The following SETD4 variants were observed in gnomAD, a reference collection of about 807,000 sequenced individuals.
SETD4 encodes the protein SET domain containing 4.
Under a neutral mutation model 58.3 loss-of-function variants are expected in SETD4, and 46 were observed. The ratio of observed to expected loss-of-function variants is 0.79; its 90% CI spans 0.62 to 1.01. SETD4 has a LOEUF of 1.01. Ranked by LOEUF, SETD4 falls within the 50% of genes least tolerant of loss-of-function variation. The pLI is 0.00. For synonymous variants in SETD4, 190 were observed against 202.6 expected, an observed-to-expected ratio of 0.94 and a Z score of 0.53; for missense variants, 490 against 523.3, an observed-to-expected ratio of 0.94 and a Z score of 0.62.
chr21:36,047,765 T>C (rs1345894193), intron 5 of SETD4, among the ~76,000 whole-genome samples: 2 of 133,554 alleles, frequency 1.5e-5, no homozygotes, highest in African/African-American at 5.8e-5. Flanking sequence ...CTGAGGCGAG[T>C]GGATCACAAG....
chr21:36,042,523 G>C (rs2064112294), intron 7 of SETD4: 1 of 152,112 alleles, frequency 6.6e-6, no homozygotes, highest in African/African-American at 2.4e-5. Context: ...TTTTCTAGCA[G>C]CAAGACCCAG....
chr21:36,050,940 A>G (rs1227071248), intron 4 of SETD4: 11 of 1,610,088 alleles, frequency 6.8e-6, no homozygotes, highest in Non-Finnish European at 9.4e-6. Flanking sequence ...GTGTTCATTG[A>G]GTGAACAAGG....
At chr21:36,038,795 A>C (rs1310183365) in intron 9 of SETD4, among the ~76,000 whole-genome samples, 1 of 152,154 alleles carries the variant, frequency 6.6e-6, no homozygotes, top group African/African-American at 2.4e-5. Flanking sequence ...CCAGTGCTCT[A>C]CTACAAAGGT....
intron 2 of SETD4, among the ~76,000 whole-genome samples, chr21:36,058,379 T>TCA (rs1436925092): frequency 6.6e-6 from 1 of 151,766 alleles, no homozygotes; most frequent in Non-Finnish European, 1.5e-5. Flanking sequence ...CATGTACCTG[T>TCA]AGTCCCAGGT....
chr21:36,041,706 C>G (rs977540288), intron 8 of SETD4, 101 bp downstream of exon 8: 20 of 739,464 alleles, frequency 2.7e-5, no homozygotes, highest in Non-Finnish European at 4.0e-5. Context: ...TCAGCTGATA[C>G]AGGGTCAGGA....
chr21:36,052,767 CCTTGGA>C (rs1439821326), intron 4 of SETD4: 1 of 152,020 alleles, frequency 6.6e-6, no homozygotes, highest in Non-Finnish European at 1.5e-5. Context: ...TGAAAAGAAA[CCTTGGA>C]GGCTGTCATT....
At chr21:36,042,052 T>C (rs1329902395) in intron 7 of SETD4, 164 bp from the exon 8 acceptor site, 1 of 504,552 alleles carries the variant, frequency 2.0e-6, no homozygotes, top group Non-Finnish European at 3.5e-6. Flanking sequence ...TCCAATTCAG[T>C]CACATCAGTA....
intron 10 of SETD4, chr21:36,036,455 C>A: frequency 3.4e-6 from 1 of 296,810 alleles, no homozygotes; most frequent in African/African-American, 2.3e-5. Context: ...ATCAATAACC[C>A]TATTCCCCTC....
intron 3 of SETD4, 58 bp from the exon 4 acceptor site, chr21:36,053,678 A>G: frequency 1.3e-6 from 2 of 1,539,808 alleles, no homozygotes; most frequent in Admixed American, 3.4e-5. Context: ...GGTCCCAGAG[A>G]TAACTATTAT....
At chr21:36,042,651 A>T (rs1418565297) in intron 7 of SETD4, 1 of 152,216 alleles carries the variant, frequency 6.6e-6, no homozygotes, top group Non-Finnish European at 1.5e-5. Flanking sequence ...AAAATGCTTC[A>T]AATTATATAT....
chr21:36,039,285 T>C (rs181152577), intron 9 of SETD4, among the ~76,000 whole-genome samples: 9 of 152,214 alleles, frequency 5.9e-5, no homozygotes, highest in Non-Finnish European at 8.8e-5. Context: ...TCACCCTGAG[T>C]GACAGAGCTA....
chr21:36,041,775 A>T, intron 8 of SETD4, 32 bp downstream of exon 8: 2 of 1,405,876 alleles, frequency 1.4e-6, no homozygotes, highest in South Asian at 2.6e-5. Context: ...TTCCTAAAGG[A>T]ATAATTTTAA....
intron 7 of SETD4, chr21:36,043,239 C>T (rs1286934282): frequency 1.2e-5 from 2 of 164,042 alleles, no homozygotes; most frequent in African/African-American, 2.4e-5. Context: ...CCAGCCTGAG[C>T]AACAGAGTGC....
intron 1 of SETD4, 100 bp downstream of exon 1, chr21:36,060,245 CTT>C: frequency 2.0e-6 from 1 of 504,364 alleles, no homozygotes; most frequent in Non-Finnish European, 2.6e-6. Flanking sequence ...AAACTCAGTT[CTT>C]TTTACGCTGA....
In SETD4 at chr21:36,036,119, A is replaced by G. The variant is rs919212339; in HGVS notation, c.1321T>C (p.Ter441ArgextTer11). The G allele has an allele frequency of 6.2e-7, 1 of 1,614,230 alleles. No individual in the cohort carries two copies. The highest frequency in any genetic ancestry group is 8.5e-7 in the Non-Finnish European group (1 of 1,180,036). Residue 441 changes from the stop codon to arginine (R), a stop_lost, in exon 11 of 12, where the codon TGA becomes CGA. Transcript: ENST00000332131. ...TLHSLQTAFT[*>R] ...TGACCAAATGCGCTTCGGTGAAATC[A>G]GGTAAAAGCTGTTTGCAAACTGTGC...
chr21:36,038,419 T>A, intron 9 of SETD4, 146 bp from the exon 10 acceptor site: 1 of 1,030,786 alleles, frequency 9.7e-7, no homozygotes, highest in Non-Finnish European at 1.4e-6. Context: ...CAAACCTCCA[T>A]GCCACTTGCA....
At chr21:36,054,074 C>A (rs2064857819) in intron 3 of SETD4, among the ~76,000 whole-genome samples, 1 of 152,156 alleles carries the variant, frequency 6.6e-6, no homozygotes, top group Non-Finnish European at 1.5e-5. Context: ...GGCCAATAAA[C>A]CCCACTCAAG....
In SETD4 at chr21:36,038,263, T is replaced by C; in HGVS notation, c.1075A>G (p.Lys359Glu). The C allele has an allele frequency of 1.9e-6, 3 of 1,612,688 alleles. No homozygotes were observed. The highest frequency in any genetic ancestry group is 2.5e-6 in the Non-Finnish European group (3 of 1,179,702). ...ATTACCTCCCCAAGAAGTACTTTTT[T>C]CCAGCATGTACTAGAACCAAAATGT... is the stretch of plus-strand genomic sequence containing the variant. ...CLEAEKFTCWKKVLLGEVISD... is the reference protein window; with the variant it reads ...CLEAEKFTCWEKVLLGEVISD... The change falls in exon 10 of 12, where the codon AAA (lysine) becomes GAA (glutamate). Residue 359 changes from lysine (K) to glutamate (E), a missense_variant. Lys to Glu is a moderately conservative substitution (Grantham distance 56). Transcript: ENST00000332131.
intron 3 of SETD4, 140 bp from the exon 4 acceptor site, chr21:36,053,760 G>A: frequency 2.5e-6 from 2 of 799,098 alleles, no homozygotes; most frequent in Non-Finnish European, 4.1e-6. Context: ...TGATTCCCAG[G>A]GGAAACAGGG....
Sources: gnomAD v4.1 joint callset for allele counts (sites outside exome capture counted in the v4.1 genomes callset) on GRCh38, gnomAD v4.1.1 for gene constraint, MANE v1.5 for transcripts, NCBI Gene and HGNC (gene_info 2026-07-23, HGNC 2026-07-21) for gene names.